DYNC1I1: variants seen among roughly 807,000 people sequenced by gnomAD.
DYNC1I1 encodes the protein cytoplasmic dynein 1 intermediate chain 1.
DYNC1I1 carries 43 observed loss-of-function variants against 86.6 expected under a neutral mutation model. That is an observed-to-expected ratio of 0.50 (90% CI 0.39 to 0.64). The LOEUF (loss-of-function observed/expected upper bound fraction) is 0.64, where lower values mean the gene tolerates loss of function less well. Among genes scored for constraint, DYNC1I1 ranks in the 30% least tolerant of loss-of-function variants. DYNC1I1 has a pLI of 0.00. For missense variants in DYNC1I1, 604 were observed against 788.8 expected (o/e 0.77, Z 2.81); for synonymous variants, 262 against 283.7 (o/e 0.92, Z 0.77).
intron 6 of DYNC1I1, among the ~76,000 whole-genome samples, chr7:95,970,826 A>G (rs1353126830): frequency 6.6e-6 from 1 of 152,166 alleles, no homozygotes; most frequent in Admixed American, 6.5e-5. Context: ...GAGATGTGTT[A>G]TTGTAGAGAT....
At chr7:95,899,128 C>T (rs1175852545) in intron 6 of DYNC1I1, among the ~76,000 whole-genome samples, 1 of 151,984 alleles carries the variant, frequency 6.6e-6, no homozygotes, top group Non-Finnish European at 1.5e-5. Flanking sequence ...ACTTTGCTTA[C>T]CCCCACCACC....
chr7:95,789,038 G>A (rs1359496786), intron 1 of DYNC1I1, among the ~76,000 whole-genome samples: 5 of 152,000 alleles, frequency 3.3e-5, no homozygotes, highest in Non-Finnish European at 7.4e-5. Flanking sequence ...GTGACAGATG[G>A]TTGAAACCGA....
chr7:96,038,776 G>C (rs1190450118), intron 13 of DYNC1I1, among the ~76,000 whole-genome samples: 1 of 152,110 alleles, frequency 6.6e-6, no homozygotes, highest in Non-Finnish European at 1.5e-5. Flanking sequence ...TTTCAGCTAT[G>C]TTAAAGTAAT....
intron 6 of DYNC1I1, among the ~76,000 whole-genome samples, chr7:95,921,525 A>G (rs1791609296): frequency 6.7e-6 from 1 of 148,664 alleles, no homozygotes; most frequent in South Asian, 2.1e-4. Context: ...TTTTCTGCCT[A>G]CAGAAAGAAA....
intron 5 of DYNC1I1, among the ~76,000 whole-genome samples, chr7:95,831,010 T>C (rs1217580896): frequency 6.6e-6 from 1 of 152,188 alleles, no homozygotes; most frequent in Non-Finnish European, 1.5e-5. Flanking sequence ...GCCATATGAG[T>C]ATCCTCTCTG....
intron 7 of DYNC1I1, among the ~76,000 whole-genome samples, chr7:95,980,536 C>CTTTTTTT (rs56835338): frequency 1.8e-5 from 1 of 54,428 alleles, no homozygotes; most frequent in Non-Finnish European, 3.4e-5. Flanking sequence ...AGAAATCTGG[C>CTTTTTTT]TTTTTTTTTT....
At chr7:95,998,107 A>G (rs1023796773) in intron 10 of DYNC1I1, among the ~76,000 whole-genome samples, 1 of 152,220 alleles carries the variant, frequency 6.6e-6, no homozygotes. Flanking sequence ...TTTTCCCAAC[A>G]CTTCTGCCTT....
chr7:96,049,257 CAAAAAAA>C lies in DYNC1I1; in HGVS notation c.1509+9853_1509+9859del, dbSNP rs200677000. On this transcript the variant is annotated intron_variant, in intron 14 of 16. Coordinates refer to ENST00000447467, the MANE Select transcript of DYNC1I1 (RefSeq NM_001135556.2). The stretch of plus-strand genomic sequence containing the variant: ...TGGGTGACAGAGCAAGACTCCATCT[CAAAAAAA>C]AAAAAAAAAAAAAAAATTACTAATC... Among the ~76,000 whole-genome samples the C allele has an allele frequency of 1.2e-4, 9 of 76,034 alleles. No homozygotes were observed. The East Asian group carries it at 1.5e-3, about 12-fold the overall frequency. 49.9% of individuals were successfully genotyped at this position (76,034 alleles called of 152,430 possible). A position where few individuals can be genotyped will look rare whatever the true frequency, so the allele number is the denominator to read the frequency against.
chr7:95,826,798 CAA>C (rs1305393577), intron 4 of DYNC1I1, among the ~76,000 whole-genome samples: 1 of 152,090 alleles, frequency 6.6e-6, no homozygotes, highest in Admixed American at 6.5e-5. Context: ...ACAAAAGAAG[CAA>C]AGTCATGAGC....
intron 14 of DYNC1I1, among the ~76,000 whole-genome samples, chr7:96,055,468 A>G (rs182285829): frequency 6.6e-6 from 1 of 152,358 alleles, no homozygotes; most frequent in East Asian, 1.9e-4. Context: ...AATTCTTATT[A>G]TAGTTATTCT....
intron 10 of DYNC1I1, among the ~76,000 whole-genome samples, chr7:96,019,796 C>A (rs1301742073): frequency 6.6e-6 from 1 of 152,026 alleles, no homozygotes; most frequent in African/African-American, 2.4e-5. Context: ...CCAAGAATTA[C>A]TACTGAAATT....
intron 10 of DYNC1I1, among the ~76,000 whole-genome samples, chr7:96,004,403 C>T (rs1351648551): frequency 6.6e-6 from 1 of 152,056 alleles, no homozygotes; most frequent in African/African-American, 2.4e-5. Context: ...TCTCTAAAGC[C>T]ATTATGTTTT....
At chr7:95,851,667 A>G (rs1383167215) in intron 5 of DYNC1I1, among the ~76,000 whole-genome samples, 5 of 151,904 alleles carry the variant, frequency 3.3e-5, no homozygotes, top group Admixed American at 3.3e-4. Context: ...ATATGACTAT[A>G]GTCTTCTTTT....
chr7:95,896,710 T>C (rs1790892310), intron 6 of DYNC1I1, among the ~76,000 whole-genome samples: 1 of 152,216 alleles, frequency 6.6e-6, no homozygotes, highest in Non-Finnish European at 1.5e-5. Context: ...TATTATTTCA[T>C]GGTGTTGCTG....
chr7:96,050,009 G>A (rs1051857149), intron 14 of DYNC1I1, among the ~76,000 whole-genome samples: 5 of 148,602 alleles, frequency 3.4e-5, no homozygotes, highest in African/African-American at 1.0e-4. Flanking sequence ...ATGACAGAGA[G>A]AGACTCCATC....
intron 1 of DYNC1I1, among the ~76,000 whole-genome samples, chr7:95,789,388 C>G (rs939591379): frequency 7.2e-5 from 11 of 152,334 alleles, no homozygotes; most frequent in African/African-American, 2.6e-4. Context: ...TGATTTTCTA[C>G]ACTCTTATCT....
At chr7:95,794,717 T>A (rs1190226532) in intron 1 of DYNC1I1, among the ~76,000 whole-genome samples, 1 of 152,148 alleles carries the variant, frequency 6.6e-6, no homozygotes, top group Non-Finnish European at 1.5e-5. Context: ...GTAGTACAAT[T>A]TGGGTAGCTC....
intron 16 of DYNC1I1, among the ~76,000 whole-genome samples, chr7:96,093,223 A>G (rs1453461824): frequency 1.3e-5 from 2 of 152,150 alleles, no homozygotes; most frequent in Non-Finnish European, 2.9e-5. Context: ...AACTCATAGT[A>G]CTTTCTTTAC....
intron 11 of DYNC1I1, among the ~76,000 whole-genome samples, chr7:96,030,544 A>G (rs1794785767): frequency 1.3e-5 from 2 of 151,942 alleles, no homozygotes; most frequent in African/African-American, 4.8e-5. Flanking sequence ...ATTCTTCTAG[A>G]CTTGCTTTCT....
Sources: allele counts gnomAD v4.1 joint callset (sites outside exome capture counted in the v4.1 genomes callset), GRCh38; gene constraint gnomAD v4.1.1; transcripts MANE v1.5; gene names NCBI Gene and HGNC (gene_info 2026-07-23, HGNC 2026-07-21).